SGCG: variants seen among roughly 807,000 people sequenced by gnomAD.
SGCG encodes the protein sarcoglycan gamma.
In SGCG, 26 loss-of-function variants were observed where a neutral mutation model predicts 29.3. The ratio of observed to expected loss-of-function variants is 0.89; its 90% CI spans 0.65 to 1.23. The LOEUF is 1.23. Ranked by LOEUF, SGCG falls within the 50% of genes most tolerant of loss-of-function variation. The probability of loss-of-function intolerance (pLI) is 0.00; values close to 1 mark genes in which losing one functional copy is unlikely to be tolerated. For missense variants in SGCG, 353 were observed against 356.0 expected (o/e 0.99, Z 0.07); for synonymous variants, 145 against 129.7 (o/e 1.12, Z -0.80).
At position 23,252,752 on chromosome 13, in the gene SGCG, GTTTATC is replaced by G. The variant is rs1451543779; in HGVS notation, c.385+2039_385+2044del. 1.3e-5 allele frequency among the ~76,000 whole-genome samples: 2 copies of G among 152,070 alleles called. 1 individual carries two copies. Among genetic ancestry groups the G allele is most frequent in the African/African-American group, 4.8e-5 (2 of 41,432 alleles). ...AATTAGTACAAGTACACATTCCTCT[GTTTATC>G]TTTTTGTTGGGTGTGGATTTTCGTA... On this transcript the variant is annotated intron_variant, in intron 4 of 7. Coordinates refer to ENST00000218867, the MANE Select transcript of SGCG (RefSeq NM_000231.3).
chr13:23,287,880 G>A (rs965440187), intron 5 of SGCG, among the ~76,000 whole-genome samples: 7 of 151,904 alleles, frequency 4.6e-5, no homozygotes, highest in Admixed American at 1.3e-4. Context: ...TCATCCTCCC[G>A]AGTAGCTGAG....
chr13:23,165,625 A>G, the SGCG span, among the ~76,000 whole-genome samples: 3 of 152,004 alleles, frequency 2.0e-5, no homozygotes, highest in Non-Finnish European at 2.9e-5. Context: ...CCCGGGTTCA[A>G]GCGATTCTGC....
chr13:23,171,545 A>T, the SGCG span, among the ~76,000 whole-genome samples: 1 of 152,224 alleles, frequency 6.6e-6, no homozygotes, highest in Admixed American at 6.5e-5. Flanking sequence ...GCTATAAGGC[A>T]TCTGCATCTG....
intron 2 of SGCG, among the ~76,000 whole-genome samples, chr13:23,212,261 A>G (rs1878252839): frequency 1.3e-5 from 2 of 152,154 alleles, no homozygotes; most frequent in Non-Finnish European, 2.9e-5. Context: ...AGAATGGACT[A>G]ATACAGGGTC....
At chr13:23,191,881 A>G (rs1428908854) in intron 1 of SGCG, among the ~76,000 whole-genome samples, 1 of 152,150 alleles carries the variant, frequency 6.6e-6, no homozygotes, top group African/African-American at 2.4e-5. Flanking sequence ...TCGGACACTG[A>G]GATGTAAAAA....
In SGCG at chr13:23,320,744, A is replaced by G; in HGVS notation, c.686A>G (p.His229Arg). The G allele has an allele frequency of 1.9e-6, 3 of 1,613,692 alleles. No individual in the cohort carries two copies. Among genetic ancestry groups the G allele is most frequent in the Non-Finnish European group, 2.5e-6 (3 of 1,179,794 alleles). ...CTTTCTCAAATGGATATTCTTTTTC[A>G]TAGTAGTGATGGAATGGTGAGTTCA... ...EALSQMDILFHSSDGMLVLDA... is the reference protein window; with the variant it reads ...EALSQMDILFRSSDGMLVLDA... Residue 229 changes from histidine (H) to arginine (R), a missense_variant, in exon 7 of 8, where the codon CAT becomes CGT. His to Arg is a conservative substitution (Grantham distance 29). Coordinates refer to ENST00000218867, the MANE Select transcript of SGCG (RefSeq NM_000231.3).
the SGCG span, among the ~76,000 whole-genome samples, chr13:23,163,386 G>C: frequency 6.6e-6 from 1 of 152,254 alleles, no homozygotes; most frequent in Admixed American, 6.5e-5. Flanking sequence ...TGAGAATCTG[G>C]TAATAGTTAC....
intron 4 of SGCG, among the ~76,000 whole-genome samples, chr13:23,264,542 A>G (rs1441982189): frequency 6.6e-6 from 1 of 152,178 alleles, no homozygotes; most frequent in Non-Finnish European, 1.5e-5. Flanking sequence ...CTATTAAAAT[A>G]CCAGCATCAT....
chr13:23,188,311 CTTTTTTTTT>C (rs71100159), intron 1 of SGCG, among the ~76,000 whole-genome samples: 6 of 78,364 alleles, frequency 7.7e-5, no homozygotes, highest in South Asian at 4.8e-4. Context: ...TTTACTAAGG[CTTTTTTTTT>C]TTTTTTTTTT....
chr13:23,314,732 A>T (rs1882743273), intron 6 of SGCG, among the ~76,000 whole-genome samples: 1 of 152,026 alleles, frequency 6.6e-6, no homozygotes. Context: ...AAATTCAGGG[A>T]CCTTCTACCT....
rs546914162 is a variant in SGCG, at chr13:23,277,791, C to T, written c.386-1568C>T. 2.6e-4 allele frequency among the ~76,000 whole-genome samples: 40 copies of T among 151,434 alleles called. No individual in the cohort carries two copies. In the East Asian group the frequency reaches 7.6e-3, roughly 29 times the overall value. On this transcript the variant is annotated intron_variant, in intron 4 of 7. Coordinates refer to ENST00000218867, the MANE Select transcript of SGCG (RefSeq NM_000231.3). ...TCGGCTCACTGCAAGCTCCGCCTCC[C>T]AGGTTCATGCCATTCTCCCGCCTCA...
At chr13:23,269,865 G>GTTTT (rs759448810) in intron 4 of SGCG, among the ~76,000 whole-genome samples, 10 of 101,232 alleles carry the variant, frequency 9.9e-5, no homozygotes, top group Non-Finnish European at 2.1e-4. Flanking sequence ...GCTTTTTTTT[G>GTTTT]TTTTTTTTGT....
chr13:23,319,530 C>T (rs1419177995), intron 6 of SGCG, among the ~76,000 whole-genome samples: 1 of 152,030 alleles, frequency 6.6e-6, no homozygotes, highest in Non-Finnish European at 1.5e-5. Context: ...AAAAAACTTG[C>T]CAATTCAAGG....
At chr13:23,289,074 A>G (rs937162707) in intron 5 of SGCG, among the ~76,000 whole-genome samples, 6 of 152,234 alleles carry the variant, frequency 3.9e-5, no homozygotes, top group African/African-American at 1.4e-4. Flanking sequence ...GCAACTGAAG[A>G]AGTGAAAATA....
intron 4 of SGCG, among the ~76,000 whole-genome samples, chr13:23,256,056 C>G (rs778240025): frequency 3.3e-5 from 5 of 152,102 alleles, no homozygotes; most frequent in Non-Finnish European, 7.3e-5. Context: ...CTGAAAGTAC[C>G]CATAGCCAAA....
At chr13:23,236,627 G>A (rs1381615431) in intron 3 of SGCG, among the ~76,000 whole-genome samples, 4 of 151,990 alleles carry the variant, frequency 2.6e-5, no homozygotes, top group African/African-American at 9.7e-5. Context: ...GCAGTGAGCC[G>A]AGATCATGCC....
intron 3 of SGCG, chr13:23,245,121 G>A (rs1879654931): frequency 3.3e-5 from 5 of 152,270 alleles, no homozygotes; most frequent in Admixed American, 3.3e-4. Flanking sequence ...CCACTGGCGT[G>A]ATTAGGACTG....
chr13:23,211,404 G>A (rs1423126315), intron 2 of SGCG, among the ~76,000 whole-genome samples: 1 of 152,138 alleles, frequency 6.6e-6, no homozygotes, highest in Non-Finnish European at 1.5e-5. Flanking sequence ...ATCTCATGTT[G>A]ATTTTTCAGT....
At chr13:23,223,697 C>G (rs1429270293) in intron 2 of SGCG, among the ~76,000 whole-genome samples, 1 of 152,148 alleles carries the variant, frequency 6.6e-6, no homozygotes, top group Admixed American at 6.5e-5. Flanking sequence ...GGCGTGGTGG[C>G]TCATGCCTGT....
Sources: gnomAD v4.1 joint callset for allele counts (sites outside exome capture counted in the v4.1 genomes callset) on GRCh38, gnomAD v4.1.1 for gene constraint, MANE v1.5 for transcripts, NCBI Gene and HGNC (gene_info 2026-07-23, HGNC 2026-07-21) for gene names.